Variants in ANKFN1 observed in about 807,000 individuals in gnomAD.
ANKFN1 encodes the protein ankyrin repeat and fibronectin type-III domain-containing protein 1.
Under a neutral mutation model 108.7 loss-of-function variants are expected in ANKFN1, and 74 were observed. The ratio of observed to expected loss-of-function variants is 0.68; its 90% CI spans 0.56 to 0.83. The LOEUF is 0.83. Among genes scored for constraint, ANKFN1 ranks in the 40% least tolerant of loss-of-function variants. The pLI is 0.00. For missense variants in ANKFN1, 1,505 were observed against 1,382.3 expected, an observed-to-expected ratio of 1.09 and a Z score of -1.41; for synonymous variants, 547 against 516.2, an observed-to-expected ratio of 1.06 and a Z score of -0.81.
At position 56,094,095 on chromosome 17, in the gene ANKFN1, A is replaced by G. The variant is rs896638913; in HGVS notation, c.288+47770A>G. On this transcript the variant is annotated intron_variant, in intron 4 of 12. Transcript: ENST00000635860. The stretch of plus-strand genomic sequence containing the variant: ...AGGCAGAGAGCAGGGTGATGCATCT[A>G]CATCCCAAGAAATGTGAAAGATTGC... Among the ~76,000 whole-genome samples the G allele has an allele frequency of 4.0e-5, 6 of 151,214 alleles. 1 individual carries two copies. The highest frequency in any genetic ancestry group is 8.9e-5 in the Non-Finnish European group (6 of 67,702).
intron 6 of ANKFN1, among the ~76,000 whole-genome samples, chr17:56,355,976 A>G (rs914485724): frequency 2.0e-5 from 3 of 152,120 alleles, no homozygotes; most frequent in Non-Finnish European, 4.4e-5. Context: ...GCTCTTGACA[A>G]CCATGAACCT....
intron 1 of ANKFN1, among the ~76,000 whole-genome samples, chr17:56,203,255 T>A (rs1299425893): frequency 6.6e-6 from 1 of 152,184 alleles, no homozygotes; most frequent in East Asian, 1.9e-4. Flanking sequence ...GGGACATACA[T>A]ACATCTTAGG....
At chr17:56,048,951 A>G (rs1363406269) in intron 4 of ANKFN1, among the ~76,000 whole-genome samples, 2 of 152,206 alleles carry the variant, frequency 1.3e-5, no homozygotes, top group Non-Finnish European at 2.9e-5. Flanking sequence ...AATCAGGGGA[A>G]AAAAATAACA....
rs2051796923 is a variant in ANKFN1, at chr17:56,512,207, C to T, written c.*938C>T. ...TCTGAAAATCATAGTGGATCAGCTCCAGATTCTTTGGTGATGAAATTGTCA... is the reference window on the plus strand; with the variant it reads ...TCTGAAAATCATAGTGGATCAGCTCTAGATTCTTTGGTGATGAAATTGTCA... On this transcript the variant is annotated 3_prime_UTR_variant, in exon 21 of 21. Transcript: ENST00000682825. Among the ~76,000 whole-genome samples the T allele has an allele frequency of 6.6e-6, 1 of 152,298 alleles. No homozygotes were observed. The highest frequency in any genetic ancestry group is 2.1e-4 in the South Asian group (1 of 4,820).
At chr17:56,419,779 C>T (rs947392245) in intron 8 of ANKFN1, among the ~76,000 whole-genome samples, 2 of 147,340 alleles carry the variant, frequency 1.4e-5, no homozygotes, top group African/African-American at 2.5e-5. Flanking sequence ...GCTATGTGCT[C>T]CAGCCTGAGC....
intron 1 of ANKFN1, among the ~76,000 whole-genome samples, chr17:56,209,421 A>G (rs1170941398): frequency 2.0e-5 from 3 of 152,224 alleles, no homozygotes; most frequent in African/African-American, 7.2e-5. Flanking sequence ...TAACAGCACT[A>G]GGGTAAACTT....
At position 56,057,784 on chromosome 17, in the gene ANKFN1, C is replaced by CA. The variant is rs71137189; in HGVS notation, c.288+11471dup. Among the ~76,000 whole-genome samples the CA allele has an allele frequency of 2.6e-4, 39 of 149,644 alleles. 1 individual carries two copies. The highest frequency in any genetic ancestry group is 4.3e-4 in the South Asian group (2 of 4,696). On this transcript the variant is annotated intron_variant, in intron 4 of 12. Coordinates refer to the ANKFN1 transcript ENST00000635860. ...TGGGCAACAGAGTGAAACTCTGTCT[C>CA]AAAAAAAAAAAATGTGTTGAAATAA...
At chr17:56,231,894 C>A (rs570412336) in intron 3 of ANKFN1, among the ~76,000 whole-genome samples, 55 of 152,276 alleles carry the variant, frequency 3.6e-4, no homozygotes, top group Non-Finnish European at 6.8e-4. Flanking sequence ...TGCAGTTCAA[C>A]AGCCCACCCC....
chr17:56,456,401 C>CTTT lies in ANKFN1; in HGVS notation c.1208-442_1208-440dup, dbSNP rs397713657. 1.6e-3 allele frequency among the ~76,000 whole-genome samples: 179 copies of CTTT among 115,440 alleles called. 1 individual carries two copies. The highest frequency in any genetic ancestry group is 1.9e-3 in the Non-Finnish European group (115 of 59,274). The allele number at this position is 115,440 out of a possible 152,430, so 75.7% of individuals were successfully genotyped here. A position where few individuals can be genotyped will look rare whatever the true frequency, so the allele number is the denominator to read the frequency against. On this transcript the variant is annotated intron_variant, in intron 11 of 20. Transcript: ENST00000682825. ...AAGATACCAGAGCTTCTTTTTTTCTCTTTTTTTTTTTTTTTTTTTTGATAC... is the reference window on the plus strand; with the variant it reads ...AAGATACCAGAGCTTCTTTTTTTCTCTTTTTTTTTTTTTTTTTTTTTTTGATAC...
At chr17:56,336,182 T>C (rs1279146640) in intron 4 of ANKFN1, among the ~76,000 whole-genome samples, 1 of 152,228 alleles carries the variant, frequency 6.6e-6, no homozygotes, top group Non-Finnish European at 1.5e-5. Context: ...TTCTCTTTTT[T>C]TGTTGTGTCT....
intron 8 of ANKFN1, among the ~76,000 whole-genome samples, chr17:56,422,094 T>A (rs953231426): frequency 6.6e-6 from 1 of 152,190 alleles, no homozygotes; most frequent in Non-Finnish European, 1.5e-5. Context: ...AAACTAATTT[T>A]ATCCAAATGT....
At chr17:56,411,011 A>G (rs1319194062) in intron 8 of ANKFN1, among the ~76,000 whole-genome samples, 2 of 152,106 alleles carry the variant, frequency 1.3e-5, no homozygotes, top group Non-Finnish European at 2.9e-5. Context: ...GTTTCATACA[A>G]ATTTTAGGGT....
At chr17:56,296,098 T>G (rs796144404) in intron 3 of ANKFN1, among the ~76,000 whole-genome samples, 6 of 152,232 alleles carry the variant, frequency 3.9e-5, no homozygotes, top group African/African-American at 1.4e-4. Flanking sequence ...ATTAAGGTAG[T>G]AGCTTCTATT....
intron 1 of ANKFN1, among the ~76,000 whole-genome samples, chr17:56,175,912 A>C (rs369606487): frequency 3.6e-5 from 4 of 112,196 alleles, no homozygotes; most frequent in African/African-American, 1.4e-4. Context: ...TTAATAGCCT[A>C]TTATAAGATA....
chr17:56,202,018 GA>G (rs1298670902), intron 1 of ANKFN1, among the ~76,000 whole-genome samples: 2 of 152,178 alleles, frequency 1.3e-5, no homozygotes, highest in Non-Finnish European at 2.9e-5. Flanking sequence ...GATGCTTCTG[GA>G]GGCAAAGTGC....
intron 2 of ANKFN1, among the ~76,000 whole-genome samples, chr17:56,223,927 T>C (rs1916063826): frequency 6.6e-6 from 1 of 152,240 alleles, no homozygotes; most frequent in African/African-American, 2.4e-5. Context: ...TTAGGAGAAG[T>C]ACAGTGCTAC....
intron 1 of ANKFN1, among the ~76,000 whole-genome samples, chr17:56,189,403 C>T (rs1326252922): frequency 2.6e-5 from 4 of 150,978 alleles, no homozygotes; most frequent in Admixed American, 1.3e-4. Flanking sequence ...ATCTCCTGAC[C>T]TCGTGATCCG....
chr17:56,072,701 A>T (rs1159996781), intron 4 of ANKFN1, among the ~76,000 whole-genome samples: 2 of 152,194 alleles, frequency 1.3e-5, no homozygotes, highest in Non-Finnish European at 2.9e-5. Flanking sequence ...TCAGAATTGG[A>T]GACAATCAAT....
intron 15 of ANKFN1, 28 bp from the exon 16 acceptor site, chr17:56,477,460 C>CTTTT: frequency 3.0e-6 from 4 of 1,347,586 alleles, no homozygotes; most frequent in Non-Finnish European, 3.9e-6. Flanking sequence ...TTCTTGTTTT[C>CTTTT]TTTTTTTTTT....
Sources: allele counts gnomAD v4.1 joint callset (sites outside exome capture counted in the v4.1 genomes callset), GRCh38; gene constraint gnomAD v4.1.1; transcripts MANE v1.5; gene names NCBI Gene and HGNC (gene_info 2026-07-23, HGNC 2026-07-21).